IFNK: variants seen among roughly 807,000 people sequenced by gnomAD.
IFNK encodes IFN-kappa.
A neutral mutation model predicts 12.0 loss-of-function variants in IFNK; 13 were observed. The ratio of observed to expected loss-of-function variants is 1.08; its 90% CI spans 0.70 to 1.72. The LOEUF is 1.72. Ranked by LOEUF, IFNK falls within the 40% of genes most tolerant of loss-of-function variation. The probability of loss-of-function intolerance (pLI) is 0.00; values close to 1 mark genes in which losing one functional copy is unlikely to be tolerated. For missense variants in IFNK, 248 were observed against 237.0 expected (o/e 1.05, Z -0.30); for synonymous variants, 94 against 82.3 (o/e 1.14, Z -0.77).
Position 27,524,844 on chromosome 9 carries a change from G to C in IFNK, c.508G>C (p.Asp170His), listed in dbSNP as rs1346768113. The C allele has an allele frequency of 6.2e-7, 1 of 1,614,106 alleles. No homozygotes were observed. Among genetic ancestry groups the C allele is most frequent in the Admixed American group, 1.7e-5 (1 of 60,026 alleles). Residue 170 changes from aspartate to histidine, a missense_variant, in exon 1 of 2, where the codon GAC (aspartate) becomes CAC (histidine). Asp to His is a moderately conservative substitution (Grantham distance 81). Coordinates refer to ENST00000276943, the MANE Select transcript of IFNK (RefSeq NM_020124.3). The stretch of plus-strand genomic sequence containing the variant: ...ACTGAGGAGATATTTCCACAGGATA[G>C]ACAATTTCCTGAAAGAAAAGAAATA... ...LELRRYFHRIDNFLKEKKYSD... is the reference protein window; with the variant it reads ...LELRRYFHRIHNFLKEKKYSD...
Position 27,524,568 on chromosome 9 carries a change from C to T in IFNK, c.232C>T (p.Pro78Ser). ...LPQEFLQYTQ[P>S]MKRDIKKAFY... Reference sequence around the variant, plus strand: ...CCAAGAGTTTCTGCAATACACCCAACCTATGAAGAGGGACATCAAGAAGGC... The same window carrying T: ...CCAAGAGTTTCTGCAATACACCCAATCTATGAAGAGGGACATCAAGAAGGC... The change falls in exon 1 of 2, where the codon CCT becomes TCT. Residue 78 changes from proline to serine, a missense_variant. Coordinates refer to ENST00000276943, the MANE Select transcript of IFNK (RefSeq NM_020124.3). The T allele has an allele frequency of 1.9e-6, 3 of 1,614,046 alleles. No homozygotes were observed. Among genetic ancestry groups the T allele is most frequent in the Non-Finnish European group, 2.5e-6 (3 of 1,179,992 alleles).
Position 27,524,366 on chromosome 9 carries a change from G to A in IFNK, c.30G>A (p.Lys10=). 1 of 1,613,308 alleles carries A rather than the reference G, an allele frequency of 6.2e-7. No individual in the cohort carries two copies. Among genetic ancestry groups the A allele is most frequent in the Non-Finnish European group, 8.5e-7 (1 of 1,179,702 alleles). The change falls in exon 1 of 2, where the codon AAG becomes AAA. Residue 10 remains lysine (K), a synonymous_variant. Transcript: ENST00000276943. MSTKPDMIQ[K]CLWLEILMGI... ...GCACCAAACCTGATATGATTCAAAA[G>A]TGTTTGTGGCTTGAGATCCTTATGG...
intron 1 of IFNK, 112 bp downstream of exon 1, chr9:27,525,073 G>C (rs771256357): frequency 4.4e-6 from 4 of 908,628 alleles, no homozygotes; most frequent in Non-Finnish European, 6.5e-6. Context: ...TCCTCAGTTG[G>C]ACTGGTAGCC....
Position 27,524,796 on chromosome 9 carries a change from G to A in IFNK, c.460G>A (p.Val154Ile), listed in dbSNP as rs1820404352. 4 of 1,614,018 alleles carry A rather than the reference G, an allele frequency of 2.5e-6. No individual in the cohort carries two copies. The highest frequency in any genetic ancestry group is 3.4e-6 in the Non-Finnish European group (4 of 1,179,966). The change falls in exon 1 of 2, where the codon GTC (valine) becomes ATC (isoleucine). Residue 154 changes from valine to isoleucine, a missense_variant. Transcript: ENST00000276943. ...ENEMKPSEAR[V>I]PQLSSLELRR... The stretch of plus-strand genomic sequence containing the variant: ...TGAGATGAAACCCTCAGAAGCCAGG[G>A]TCCCCCAGCTGAGCAGCCTGGAACT...
In IFNK at chr9:27,524,512, G is replaced by C. The variant is rs1160759529; in HGVS notation, c.176G>C (p.Cys59Ser). ...SSMSNSFPVE[C>S]LRENIAFELP... ...ATGAGCAATTCATTTCCTGTAGAAT[G>C]TCTACGAGAAAACATAGCTTTTGAG... The change falls in exon 1 of 2, where the codon TGT becomes TCT. Residue 59 changes from cysteine to serine, a missense_variant. Coordinates refer to ENST00000276943, the MANE Select transcript of IFNK (RefSeq NM_020124.3). 6.2e-7 allele frequency: 1 copy of C among 1,614,088 alleles called. No homozygotes were observed. The highest frequency in any genetic ancestry group is 2.2e-5 in the East Asian group (1 of 44,874).
rs1250234610 is a variant in IFNK, at chr9:27,524,708, C to G, written c.372C>G (p.Tyr124Ter). ...IQIGLDQQAE[Y>*]LNQCLEEDKN... ...TAGGACTTGATCAGCAAGCAGAGTA[C>G]CTGAACCAATGCTTGGAGGAAGACA... Residue 124 changes from tyrosine (Y) to a stop codon, truncating the protein, a stop_gained, in exon 1 of 2, where the codon TAC (tyrosine) becomes TAG (stop). Transcript: ENST00000276943. LOFTEE classifies it high-confidence loss of function. The G allele has an allele frequency of 6.2e-7, 1 of 1,613,784 alleles. No individual in the cohort carries two copies.
chr9:27,524,424 T>G lies in IFNK; in HGVS notation c.88T>G (p.Cys30Gly). ...IFIAGTLSLD[C>G]NLLNVHLRRV... is the part of the protein sequence containing the mutation. The stretch of plus-strand genomic sequence containing the variant: ...CATTGCTGGCACCCTATCCCTGGAC[T>G]GTAACTTACTGAACGTTCACCTGAG... The change falls in exon 1 of 2, where the codon TGT becomes GGT. Residue 30 changes from cysteine to glycine, a missense_variant. Physicochemically the swap from Cys to Gly is radical, Grantham distance 159 (BLOSUM62 -3). Transcript: ENST00000276943. 6.2e-7 allele frequency: 1 copy of G among 1,614,102 alleles called. No homozygotes were observed. The highest frequency in any genetic ancestry group is 8.5e-7 in the Non-Finnish European group (1 of 1,179,976).
chr9:27,524,683 T>C lies in IFNK; in HGVS notation c.347T>C (p.Ile116Thr), dbSNP rs556380931. 2.7e-5 allele frequency: 43 copies of C among 1,613,956 alleles called. No homozygotes were observed. The highest frequency in any genetic ancestry group is 1.0e-4 in the Admixed American group (6 of 59,998). Residue 116 changes from isoleucine to threonine, a missense_variant, in exon 1 of 2, where the codon ATA becomes ACA. Ile to Thr is a moderately conservative substitution (Grantham distance 89). Transcript: ENST00000276943. The stretch of plus-strand genomic sequence containing the variant: ...GAGAGACACCTCAAACAAATCCAAA[T>C]AGGACTTGATCAGCAAGCAGAGTAC... ...WKERHLKQIQ[I>T]GLDQQAEYLN...
At chr9:27,525,877 T>C (rs184141806) in intron 1 of IFNK, 130 bp from the exon 2 acceptor site, 2 of 152,360 alleles carry the variant, frequency 1.3e-5, no homozygotes, top group African/African-American at 4.8e-5. Context: ...TTTATCTTTT[T>C]AAAAGTTACT....
Position 27,524,718 on chromosome 9 carries a change from T to C in IFNK, c.382T>C (p.Cys128Arg), listed in dbSNP as rs778802978. The C allele has an allele frequency of 4.3e-6, 7 of 1,613,896 alleles. No homozygotes were observed. Among genetic ancestry groups the C allele is most frequent in the Non-Finnish European group, 5.1e-6 (6 of 1,179,954 alleles). ...TCAGCAAGCAGAGTACCTGAACCAATGCTTGGAGGAAGACAAGAATGAAAA... is the reference window on the plus strand; with the variant it reads ...TCAGCAAGCAGAGTACCTGAACCAACGCTTGGAGGAAGACAAGAATGAAAA... ...LDQQAEYLNQ[C>R]LEEDKNENED... Residue 128 changes from cysteine (C) to arginine (R), a missense_variant, in exon 1 of 2, where the codon TGC becomes CGC. Physicochemically the swap from Cys to Arg is radical, Grantham distance 180 (BLOSUM62 -3). Transcript: ENST00000276943.
intron 1 of IFNK, among the ~76,000 whole-genome samples, 195 bp downstream of exon 1, chr9:27,525,156 C>G (rs1025459011): frequency 5.3e-5 from 8 of 152,094 alleles, no homozygotes; most frequent in Admixed American, 3.9e-4. Flanking sequence ...CAAGAGTCTC[C>G]TTAGAAAGTC....
chr9:27,524,375 G>A lies in IFNK; in HGVS notation c.39G>A (p.Trp13Ter). Residue 13 changes from tryptophan (W) to a stop codon, truncating the protein, a stop_gained, in exon 1 of 2, where the codon TGG (tryptophan) becomes TGA (stop). Transcript: ENST00000276943. LOFTEE classifies it high-confidence loss of function. ...CTGATATGATTCAAAAGTGTTTGTG[G>A]CTTGAGATCCTTATGGGTATATTCA... is the stretch of plus-strand genomic sequence containing the variant. Reference protein sequence around the residue: ...TKPDMIQKCLWLEILMGIFIA... With the variant: ...TKPDMIQKCL 1 of 1,602,068 alleles carries A rather than the reference G, an allele frequency of 6.2e-7. No homozygotes were observed. Among genetic ancestry groups the A allele is most frequent in the Non-Finnish European group, 8.5e-7 (1 of 1,170,670 alleles).
chr9:27,524,517 C>T lies in IFNK; in HGVS notation c.181C>T (p.Arg61Ter), dbSNP rs375380680. Residue 61 changes from arginine to a stop codon, truncating the protein, a stop_gained, in exon 1 of 2, where the codon CGA becomes TGA. Coordinates refer to ENST00000276943, the MANE Select transcript of IFNK (RefSeq NM_020124.3). LOFTEE classifies it high-confidence loss of function. ...CAATTCATTTCCTGTAGAATGTCTA[C>T]GAGAAAACATAGCTTTTGAGTTGCC... is the stretch of plus-strand genomic sequence containing the variant. Reference protein sequence around the residue: ...MSNSFPVECLRENIAFELPQE... With the variant: ...MSNSFPVECL 3.8e-5 allele frequency: 62 copies of T among 1,614,052 alleles called. No homozygotes were observed. The highest frequency in any genetic ancestry group is 3.3e-4 in the East Asian group (15 of 44,872).
In IFNK at chr9:27,524,485, G is replaced by C; in HGVS notation, c.149G>C (p.Ser50Thr). The C allele has an allele frequency of 3.7e-6, 6 of 1,614,098 alleles. No individual in the cohort carries two copies. Among genetic ancestry groups the C allele is most frequent in the Non-Finnish European group, 4.2e-6 (5 of 1,179,996 alleles). The change falls in exon 1 of 2, where the codon AGT becomes ACT. Residue 50 changes from serine to threonine, a missense_variant. Transcript: ENST00000276943. ...VTWQNLRHLS[S>T]MSNSFPVECL... is the part of the protein sequence containing the mutation. ...TGGCAAAATCTGAGACATCTGAGTA[G>C]TATGAGCAATTCATTTCCTGTAGAA... is the stretch of plus-strand genomic sequence containing the variant.
At chr9:27,525,451 G>T (rs577018814) in intron 1 of IFNK, among the ~76,000 whole-genome samples, 1 of 152,180 alleles carries the variant, frequency 6.6e-6, no homozygotes, top group East Asian at 1.9e-4. Flanking sequence ...CCTCCTGCTC[G>T]GGGGGAAAAA....
chr9:27,524,740 A>T lies in IFNK; in HGVS notation c.404A>T (p.Glu135Val). 1 of 1,614,000 alleles carries T rather than the reference A, an allele frequency of 6.2e-7. No homozygotes were observed. The highest frequency in any genetic ancestry group is 8.5e-7 in the Non-Finnish European group (1 of 1,179,896). ...LNQCLEEDKNENEDMKEMKEN... is the reference protein window; with the variant it reads ...LNQCLEEDKNVNEDMKEMKEN... ...CAATGCTTGGAGGAAGACAAGAATG[A>T]AAATGAAGACATGAAAGAAATGAAA... is the stretch of plus-strand genomic sequence containing the variant. The change falls in exon 1 of 2, where the codon GAA (glutamate) becomes GTA (valine). Residue 135 changes from glutamate to valine, a missense_variant. Transcript: ENST00000276943.
At position 27,525,027 on chromosome 9, in the gene IFNK, T is replaced by TTC; in HGVS notation, c.*1+66_*1+67insTC. 4 of 1,300,370 alleles carry TTC rather than the reference T, an allele frequency of 3.1e-6. No homozygotes were observed. The South Asian group carries it at 6.0e-5, about 20-fold the overall frequency. The allele number at this position is 1,300,370 out of a possible 1,614,324, so 80.6% of individuals were successfully genotyped here. A position where few individuals can be genotyped will look rare whatever the true frequency, so the allele number is the denominator to read the frequency against. ...TCTTTCTCCTTCTCCTCCTCCAACTTCTTTTTAAGGATTGTTGTGCTGTCC... is the reference window on the plus strand; with the variant it reads ...TCTTTCTCCTTCTCCTCCTCCAACTTTCCTTTTTAAGGATTGTTGTGCTGTCC... On this transcript the variant is annotated intron_variant, in intron 1 of 1. Transcript: ENST00000276943.
Position 27,524,612 on chromosome 9 carries a change from A to C in IFNK, c.276A>C (p.Leu92=), listed in dbSNP as rs756025302. ...DIKKAFYEMS[L]QAFNIFSQHT... ...AGAAGGCCTTCTATGAAATGTCCCT[A>C]CAGGCCTTCAACATCTTCAGCCAAC... The change falls in exon 1 of 2, where the codon CTA becomes CTC. Residue 92 remains leucine (L), a synonymous_variant. Coordinates refer to ENST00000276943, the MANE Select transcript of IFNK (RefSeq NM_020124.3). The C allele has an allele frequency of 2.8e-5, 45 of 1,614,040 alleles. No homozygotes were observed. The highest frequency in any genetic ancestry group is 3.7e-5 in the Non-Finnish European group (44 of 1,179,980).
At chr9:27,525,285 G>A (rs962689403) in intron 1 of IFNK, among the ~76,000 whole-genome samples, 1 of 152,166 alleles carries the variant, frequency 6.6e-6, no homozygotes, top group African/African-American at 2.4e-5. Flanking sequence ...ACTTCACCAA[G>A]ACAATGGCTA....
Sources: allele counts gnomAD v4.1 joint callset (sites outside exome capture counted in the v4.1 genomes callset), GRCh38; gene constraint gnomAD v4.1.1; transcripts MANE v1.5; gene names NCBI Gene and HGNC (gene_info 2026-07-23, HGNC 2026-07-21).